Variants in BICD1 observed in about 807,000 individuals in gnomAD.
The protein encoded by BICD1 is protein bicaudal D homolog 1.
BICD1 carries 35 observed loss-of-function variants against 92.5 expected under a neutral mutation model. That is an observed-to-expected ratio of 0.38 (90% CI 0.29 to 0.50). BICD1 has a LOEUF of 0.50. Among genes scored for constraint, BICD1 ranks in the 20% least tolerant of loss-of-function variants. BICD1 has a pLI of 0.93. For synonymous variants in BICD1, 429 were observed against 465.1 expected (o/e 0.92, Z 1.00); for missense variants, 950 against 1,189.8 (o/e 0.80, Z 2.97).
At chr12:32,179,042 T>C (rs1413483712) in intron 1 of BICD1, among the ~76,000 whole-genome samples, 1 of 151,998 alleles carries the variant, frequency 6.6e-6, no homozygotes, top group Non-Finnish European at 1.5e-5. Flanking sequence ...CCACATACGA[T>C]AGGACAGGTT....
chr12:32,168,800 A>C (rs1251175797), intron 1 of BICD1, among the ~76,000 whole-genome samples: 2 of 152,162 alleles, frequency 1.3e-5, no homozygotes, highest in South Asian at 2.1e-4. Flanking sequence ...TGAAACCCTG[A>C]TAATACAAAA....
At chr12:32,184,753 C>T (rs1944381870) in intron 1 of BICD1, among the ~76,000 whole-genome samples, 1 of 152,150 alleles carries the variant, frequency 6.6e-6, no homozygotes, top group Non-Finnish European at 1.5e-5. Flanking sequence ...TTTAGCTTTG[C>T]TTTCTTGATC....
rs184389606 is a variant in BICD1, at chr12:32,239,769, C to T, written c.426+23310C>T. ...GATTACAGGCATGCACCACCACACC[C>T]GGCTAATTTTGTATTTTTAGTAGAG... On this transcript the variant is annotated intron_variant, in intron 2 of 9. Transcript: ENST00000652176. 5.8e-3 allele frequency among the ~76,000 whole-genome samples: 876 copies of T among 151,294 alleles called. 7 individuals are homozygous for T. The highest frequency in any genetic ancestry group is 0.019 in the East Asian group (95 of 4,958).
chr12:32,204,397 C>T (rs867299468), intron 1 of BICD1, among the ~76,000 whole-genome samples: 1 of 151,040 alleles, frequency 6.6e-6, no homozygotes, highest in African/African-American at 2.4e-5. Flanking sequence ...TGTGAAACTA[C>T]TTAACTTCAT....
chr12:32,306,538 C>T (rs1351307847), intron 4 of BICD1, among the ~76,000 whole-genome samples: 6 of 152,074 alleles, frequency 3.9e-5, no homozygotes, highest in Non-Finnish European at 7.4e-5. Flanking sequence ...CCACCGCGCC[C>T]AGCCCCAGCT....
chr12:32,304,472 A>G (rs1948157117), intron 3 of BICD1, among the ~76,000 whole-genome samples: 1 of 152,208 alleles, frequency 6.6e-6, no homozygotes. Context: ...TTTAAACACC[A>G]TGAAGGAACA....
chr12:32,224,247 T>G (rs973445842), intron 2 of BICD1, among the ~76,000 whole-genome samples: 2 of 152,222 alleles, frequency 1.3e-5, no homozygotes, highest in African/African-American at 4.8e-5. Flanking sequence ...TTGTTGGGAA[T>G]GGACCTCATA....
At chr12:32,134,844 A>G (rs1196964306) in intron 1 of BICD1, among the ~76,000 whole-genome samples, 3 of 152,204 alleles carry the variant, frequency 2.0e-5, no homozygotes, top group African/African-American at 4.8e-5. Flanking sequence ...GCAAGCTGAT[A>G]TCCCGTGGCC....
At chr12:32,160,305 G>A (rs963503785) in intron 1 of BICD1, among the ~76,000 whole-genome samples, 4 of 152,204 alleles carry the variant, frequency 2.6e-5, no homozygotes, top group Admixed American at 2.6e-4. Flanking sequence ...TCCATGGCCT[G>A]TTTTGACAAG....
At chr12:32,180,296 C>T (rs2121522627) in intron 1 of BICD1, among the ~76,000 whole-genome samples, 1 of 151,738 alleles carries the variant, frequency 6.6e-6, no homozygotes, top group South Asian at 2.1e-4. Flanking sequence ...CTCTGGTTTT[C>T]CACCTCCTCA....
intron 1 of BICD1, among the ~76,000 whole-genome samples, chr12:32,206,563 G>A (rs146669355): frequency 7.9e-5 from 12 of 152,216 alleles, no homozygotes; most frequent in African/African-American, 2.2e-4. Flanking sequence ...CCGAGATCAC[G>A]CCACTGCACT....
chr12:32,167,400 AT>A (rs1206311601), intron 1 of BICD1, among the ~76,000 whole-genome samples: 1 of 152,178 alleles, frequency 6.6e-6, no homozygotes, highest in Admixed American at 6.5e-5. Context: ...AGACTTTAAA[AT>A]TGTTTCTTTT....
intron 1 of BICD1, among the ~76,000 whole-genome samples, chr12:32,163,230 TATTTA>T (rs1231734990): frequency 2.0e-5 from 3 of 152,144 alleles, no homozygotes; most frequent in African/African-American, 7.2e-5. Flanking sequence ...AACATTTTAT[TATTTA>T]ATTCTTCCTG....
intron 4 of BICD1, among the ~76,000 whole-genome samples, chr12:32,306,476 C>A (rs1565658440): frequency 6.6e-6 from 1 of 151,974 alleles, no homozygotes; most frequent in Non-Finnish European, 1.5e-5. Context: ...GATCTCCTGA[C>A]TTCGTGATCC....
At chr12:32,301,157 G>A (rs1294960693) in intron 3 of BICD1, among the ~76,000 whole-genome samples, 1 of 152,102 alleles carries the variant, frequency 6.6e-6, no homozygotes. Flanking sequence ...TTGAGCATGC[G>A]TTTCTGGATT....
At chr12:32,322,412 C>T (rs1196637316) in intron 4 of BICD1, among the ~76,000 whole-genome samples, 1 of 152,136 alleles carries the variant, frequency 6.6e-6, no homozygotes, top group Admixed American at 6.6e-5. Context: ...GGTCTGGGGC[C>T]ATTAGATCTC....
chr12:32,265,437 G>A (rs531821101), intron 2 of BICD1, among the ~76,000 whole-genome samples: 3 of 151,792 alleles, frequency 2.0e-5, no homozygotes, highest in South Asian at 4.2e-4. Flanking sequence ...GGTTGGGCAC[G>A]ATGGCTCACA....
rs190747337 is a variant in BICD1, at chr12:32,153,374, C to G, written c.213+45830C>G. On this transcript the variant is annotated intron_variant, in intron 1 of 9. Coordinates refer to ENST00000652176, the MANE Select transcript of BICD1 (RefSeq NM_001714.4). ...CTATTGTGAATAGTGCTGCGATAAA[C>G]ATGTGAGTGCCCTTGTCTTTTTGGT... 2.2e-3 allele frequency among the ~76,000 whole-genome samples: 340 copies of G among 152,238 alleles called. 2 individuals carry two copies. The highest frequency in any genetic ancestry group is 7.6e-3 in the African/African-American group (316 of 41,540).
rs913230762 is a variant in BICD1 at position 32,221,309 on chromosome 12, T to C, written c.426+4850T>C. On this transcript the variant is annotated intron_variant, in intron 2 of 9. Transcript: ENST00000652176. ...AAAATGCTTCCAACAGTGCCTGACA[T>C]GTGGCAAAACAAATTAATAAACGTT... is the stretch of plus-strand genomic sequence containing the variant. Among the ~76,000 whole-genome samples, 4 of 150,688 alleles carry C rather than the reference T, an allele frequency of 2.7e-5. No individual in the cohort carries two copies. The South Asian group carries it at 8.4e-4, about 32-fold the overall frequency.
Sources: allele counts gnomAD v4.1 joint callset (sites outside exome capture counted in the v4.1 genomes callset), GRCh38; gene constraint gnomAD v4.1.1; transcripts MANE v1.5; gene names NCBI Gene and HGNC (gene_info 2026-07-23, HGNC 2026-07-21).